Variants in VAV3 observed in about 807,000 individuals in gnomAD.
The protein encoded by VAV3 is guanine nucleotide exchange factor VAV3.
VAV3 carries 94 observed loss-of-function variants against 131.2 expected under a neutral mutation model. The observed-to-expected ratio is 0.72, with a 90% CI of 0.61 to 0.85. VAV3 has a LOEUF of 0.85. Among genes scored for constraint, VAV3 ranks in the 40% least tolerant of loss-of-function variants. VAV3 has a pLI of 0.00. For synonymous variants in VAV3, 349 were observed against 342.0 expected (o/e 1.02, Z -0.22); for missense variants, 939 against 1,002.7 (o/e 0.94, Z 0.86).
Position 107,749,401 on chromosome 1 carries a change from T to C in VAV3, c.1392+61A>G, listed in dbSNP as rs139439371. On this transcript the variant is annotated intron_variant, in intron 14 of 26. Coordinates refer to ENST00000370056, the MANE Select transcript of VAV3 (RefSeq NM_006113.5). Reference sequence around the variant, plus strand: ...CATATCTCACATTAATGTATTATCATACTTTTCCTTAATGTTCAAGATTAT... The same window carrying C: ...CATATCTCACATTAATGTATTATCACACTTTTCCTTAATGTTCAAGATTAT... 6 of 1,501,848 alleles carry C rather than the reference T, an allele frequency of 4.0e-6. No homozygotes were observed. The South Asian group carries it at 6.4e-5, about 16-fold the overall frequency. The allele number at this position is 1,501,848 out of a possible 1,614,324, so 93.0% of individuals were successfully genotyped here.
chr1:107,927,151 C>T (rs1351828170), intron 1 of VAV3, among the ~76,000 whole-genome samples: 1 of 152,002 alleles, frequency 6.6e-6, no homozygotes, highest in African/African-American at 2.4e-5. Flanking sequence ...GAGCCCTTTC[C>T]AGGCCCTAGC....
chr1:107,766,468 A>C lies in VAV3; in HGVS notation c.800T>G (p.Val267Gly). The change falls in exon 8 of 27, where the codon GTT becomes GGT. Residue 267 changes from valine (V) to glycine (G), a missense_variant. Transcript: ENST00000370056. The stretch of plus-strand genomic sequence containing the variant: ...TTACCTTTCCTTGTAGTTAATAAAA[A>C]CTTGGTACAAGTTCTGGTCATTTTT... ...VNKNDQNLYQ[V>G]FINYKERLVI... 1 of 1,612,310 alleles carries C rather than the reference A, an allele frequency of 6.2e-7. No individual in the cohort carries two copies. Among genetic ancestry groups the C allele is most frequent in the Non-Finnish European group, 8.5e-7 (1 of 1,178,950 alleles).
chr1:107,955,147 GTTC>G (rs1015759750), intron 1 of VAV3, among the ~76,000 whole-genome samples: 1 of 152,128 alleles, frequency 6.6e-6, no homozygotes, highest in African/African-American at 2.4e-5. Context: ...TAGGAGGTAG[GTTC>G]TTTTATTTGG....
rs190063595 is a variant in VAV3 at position 107,687,684 on chromosome 1, C to T, written c.1731+697G>A. Among the ~76,000 whole-genome samples, 29 of 152,248 alleles carry T rather than the reference C, an allele frequency of 1.9e-4. No homozygotes were observed. The East Asian group carries it at 5.2e-3, about 27-fold the overall frequency. ...ATAATTTTGGGGAACTCTATATAAACAACATCAAACAACACCATTGACAGT... is the reference window on the plus strand; with the variant it reads ...ATAATTTTGGGGAACTCTATATAAATAACATCAAACAACACCATTGACAGT... On this transcript the variant is annotated intron_variant, in intron 18 of 26. Transcript: ENST00000370056.
intron 2 of VAV3, among the ~76,000 whole-genome samples, chr1:107,818,124 C>T (rs1260057820): frequency 1.3e-5 from 2 of 152,176 alleles, no homozygotes; most frequent in African/African-American, 4.8e-5. Flanking sequence ...GAGAGCAGGG[C>T]AGGTTCATCT....
At chr1:107,768,587 A>G in intron 6 of VAV3, 78 bp from the exon 7 acceptor site, 2 of 1,214,048 alleles carry the variant, frequency 1.6e-6, no homozygotes, top group Non-Finnish European at 2.4e-6. Flanking sequence ...TCAACAAACA[A>G]CAAATACGTT....
In VAV3 at chr1:107,582,595, A is replaced by G. The variant is rs1273528485; in HGVS notation, c.2351-8397T>C. On this transcript the variant is annotated intron_variant, in intron 25 of 26. Coordinates refer to ENST00000370056, the MANE Select transcript of VAV3 (RefSeq NM_006113.5). ...ACCCCACAACAGTCCCCAGGGTGTG[A>G]TGTTCCCCTTCCTGTGTCCATGTGT... is the stretch of plus-strand genomic sequence containing the variant. Among the ~76,000 whole-genome samples, 5 of 124,628 alleles carry G rather than the reference A, an allele frequency of 4.0e-5. No homozygotes were observed. The South Asian group carries it at 1.2e-3, about 31-fold the overall frequency. 81.8% of individuals were successfully genotyped at this position (124,628 alleles called of 152,430 possible).
chr1:107,782,385 G>A (rs565868208), intron 2 of VAV3, among the ~76,000 whole-genome samples: 26 of 152,068 alleles, frequency 1.7e-4, no homozygotes, highest in African/African-American at 6.0e-4. Flanking sequence ...TTTTTCATGA[G>A]TGTCCACCAG....
intron 1 of VAV3, among the ~76,000 whole-genome samples, chr1:107,900,284 T>C (rs753534566): frequency 2.0e-5 from 3 of 152,212 alleles, no homozygotes; most frequent in Non-Finnish European, 2.9e-5. Context: ...ATCCATAGTA[T>C]ACTTTGTAGC....
intron 2 of VAV3, among the ~76,000 whole-genome samples, chr1:107,788,297 T>C (rs1287762404): frequency 6.6e-6 from 1 of 151,978 alleles, no homozygotes. Flanking sequence ...GCCAGTTACT[T>C]AGCAGTACAC....
intron 2 of VAV3, among the ~76,000 whole-genome samples, chr1:107,801,947 C>CT (rs1294173066): frequency 3.3e-5 from 5 of 151,564 alleles, no homozygotes; most frequent in Admixed American, 1.3e-4. Flanking sequence ...TTATGTGTTT[C>CT]TTTTTTTTAT....
intron 2 of VAV3, among the ~76,000 whole-genome samples, chr1:107,834,106 C>T (rs1387723842): frequency 1.3e-5 from 2 of 152,194 alleles, no homozygotes; most frequent in Non-Finnish European, 2.9e-5. Flanking sequence ...CAACAATTTG[C>T]TGTAAATAAT....
intron 1 of VAV3, among the ~76,000 whole-genome samples, chr1:107,901,958 G>T (rs892698851): frequency 6.6e-6 from 1 of 151,768 alleles, no homozygotes; most frequent in African/African-American, 2.4e-5. Flanking sequence ...GAGGAGAATC[G>T]CTTGAACCCA....
chr1:107,733,715 A>C (rs947764103), intron 15 of VAV3, among the ~76,000 whole-genome samples: 1 of 152,192 alleles, frequency 6.6e-6, no homozygotes, highest in African/African-American at 2.4e-5. Context: ...GAAACAAACA[A>C]AGCCTCCAAG....
intron 25 of VAV3, among the ~76,000 whole-genome samples, chr1:107,589,841 T>C (rs1000489029): frequency 5.3e-5 from 8 of 152,158 alleles, no homozygotes; most frequent in Non-Finnish European, 8.8e-5. Flanking sequence ...ATAATAAATA[T>C]TGTCTCTATT....
chr1:107,862,439 T>G (rs760404488), intron 2 of VAV3, among the ~76,000 whole-genome samples: 1 of 151,220 alleles, frequency 6.6e-6, no homozygotes, highest in Non-Finnish European at 1.5e-5. Flanking sequence ...AAAATAAACA[T>G]GGAAAGTGCC....
At chr1:107,634,821 C>T (rs1336759010) in intron 20 of VAV3, among the ~76,000 whole-genome samples, 1 of 152,060 alleles carries the variant, frequency 6.6e-6, no homozygotes, top group Admixed American at 6.5e-5. Flanking sequence ...AGGATATGAA[C>T]AGACACTTCT....
At chr1:107,580,137 A>G (rs1426183603) in intron 25 of VAV3, among the ~76,000 whole-genome samples, 3 of 152,210 alleles carry the variant, frequency 2.0e-5, no homozygotes, top group Non-Finnish European at 4.4e-5. Context: ...GGCAGGGGCC[A>G]GTTCTAATAT....
chr1:107,863,886 G>A (rs756605080), intron 2 of VAV3, among the ~76,000 whole-genome samples: 5 of 152,144 alleles, frequency 3.3e-5, no homozygotes, highest in Admixed American at 1.3e-4. Context: ...AAATGCAGAC[G>A]TAAAATCTAG....
Sources: allele counts gnomAD v4.1 joint callset (sites outside exome capture counted in the v4.1 genomes callset), GRCh38; gene constraint gnomAD v4.1.1; transcripts MANE v1.5; gene names NCBI Gene and HGNC (gene_info 2026-07-23, HGNC 2026-07-21).